NWD2: variants seen among roughly 807,000 people sequenced by gnomAD.
The protein encoded by NWD2 is NACHT and WD repeat domain-containing protein 2.
NWD2 carries 37 observed loss-of-function variants against 132.7 expected under a neutral mutation model. The ratio of observed to expected loss-of-function variants is 0.28; its 90% CI spans 0.21 to 0.37. The LOEUF is 0.37. Ranked by LOEUF, NWD2 falls within the 10% of genes least tolerant of loss-of-function variation. The pLI is 1.00. For synonymous variants in NWD2, 705 were observed against 803.0 expected (o/e 0.88, Z 2.06); for missense variants, 1,592 against 2,122.4 (o/e 0.75, Z 4.91).
At chr4:37,261,536 A>C (rs73807465) in intron 1 of NWD2, among the ~76,000 whole-genome samples, 3 of 152,132 alleles carry the variant, frequency 2.0e-5, no homozygotes, top group African/African-American at 7.2e-5. Flanking sequence ...CGCAAGAATC[A>C]TACAAGTATT....
intron 2 of NWD2, among the ~76,000 whole-genome samples, chr4:37,346,781 G>T (rs1257944875): frequency 6.6e-6 from 1 of 152,056 alleles, no homozygotes; most frequent in Non-Finnish European, 1.5e-5. Flanking sequence ...GAATGAAAGT[G>T]TTTCTTTCTG....
chr4:37,411,889 G>GATGCAA (rs1721167259), intron 3 of NWD2, among the ~76,000 whole-genome samples: 1 of 152,082 alleles, frequency 6.6e-6, no homozygotes, highest in Non-Finnish European at 1.5e-5. Context: ...AAAACCACAT[G>GATGCAA]ATTATCTCAA....
chr4:37,264,401 T>G (rs752808025), intron 1 of NWD2, among the ~76,000 whole-genome samples: 1 of 152,182 alleles, frequency 6.6e-6, no homozygotes, highest in Non-Finnish European at 1.5e-5. Flanking sequence ...TTGCTTATCT[T>G]TTTAATTTTT....
intron 1 of NWD2, among the ~76,000 whole-genome samples, chr4:37,253,437 C>CCG (rs1162264537): frequency 2.6e-5 from 4 of 152,150 alleles, no homozygotes; most frequent in Non-Finnish European, 4.4e-5. Context: ...GAGAATGAAG[C>CCG]CATGCTCCCC....
chr4:37,385,239 A>T (rs149615610), intron 3 of NWD2, among the ~76,000 whole-genome samples: 1 of 152,210 alleles, frequency 6.6e-6, no homozygotes, highest in African/African-American at 2.4e-5. Flanking sequence ...AGATATTGGG[A>T]ATTTAGGGGA....
chr4:37,245,349 C>T lies in NWD2; in HGVS notation c.151+131C>T. ...TCCTCCAGCTAAAGCCGTGGCCGCC[C>T]TGAGCGCGTGGGAATTTAATTTGAA... is the stretch of plus-strand genomic sequence containing the variant. On this transcript the variant is annotated intron_variant, in intron 1 of 6. Transcript: ENST00000309447. 5 of 1,120,890 alleles carry T rather than the reference C, an allele frequency of 4.5e-6. No individual in the cohort carries two copies. The South Asian group carries it at 5.1e-5, about 11-fold the overall frequency. The allele number at this position is 1,120,890 out of a possible 1,614,324, so 69.4% of individuals were successfully genotyped here.
chr4:37,306,823 C>A (rs183149803), intron 1 of NWD2, among the ~76,000 whole-genome samples: 44 of 152,072 alleles, frequency 2.9e-4, no homozygotes, highest in Non-Finnish European at 5.4e-4. Context: ...GAGAGTGAGA[C>A]CATCCTAGCT....
intron 3 of NWD2, among the ~76,000 whole-genome samples, chr4:37,422,580 A>G (rs1412153096): frequency 6.6e-6 from 1 of 152,096 alleles, no homozygotes; most frequent in Non-Finnish European, 1.5e-5. Context: ...TTCTGTGTAT[A>G]TATGTATTAG....
intron 3 of NWD2, among the ~76,000 whole-genome samples, chr4:37,362,271 C>T (rs1719995704): frequency 6.6e-6 from 1 of 152,190 alleles, no homozygotes. Context: ...AATGCTATTT[C>T]TATCAAACTA....
At chr4:37,354,490 T>G (rs1039023780) in intron 2 of NWD2, among the ~76,000 whole-genome samples, 5 of 152,316 alleles carry the variant, frequency 3.3e-5, no homozygotes, top group Middle Eastern at 3.4e-3. Flanking sequence ...GGTGGGAGTT[T>G]TATCTATAAG....
intron 2 of NWD2, among the ~76,000 whole-genome samples, chr4:37,332,015 C>A (rs1560397004): frequency 1.3e-5 from 2 of 152,302 alleles, no homozygotes; most frequent in South Asian, 2.1e-4. Context: ...GGAATCGCCC[C>A]TTCCAGTGAT....
At chr4:37,283,470 C>G (rs1718168658) in intron 1 of NWD2, among the ~76,000 whole-genome samples, 1 of 152,054 alleles carries the variant, frequency 6.6e-6, no homozygotes, top group African/African-American at 2.4e-5. Context: ...TTATAGGGGT[C>G]AATGTTTCAA....
chr4:37,363,056 G>A (rs1173148610), intron 3 of NWD2, among the ~76,000 whole-genome samples: 1 of 152,152 alleles, frequency 6.6e-6, no homozygotes, highest in African/African-American at 2.4e-5. Context: ...TGAAAAAAAT[G>A]CTTATCAACA....
chr4:37,403,948 A>G (rs1720945809), intron 3 of NWD2, among the ~76,000 whole-genome samples: 1 of 152,182 alleles, frequency 6.6e-6, no homozygotes, highest in Non-Finnish European at 1.5e-5. Flanking sequence ...TTTCAAAACA[A>G]TTAGCATCTT....
intron 2 of NWD2, among the ~76,000 whole-genome samples, chr4:37,327,890 T>G (rs17575890): frequency 6.6e-6 from 1 of 151,874 alleles, no homozygotes; most frequent in Non-Finnish European, 1.5e-5. Context: ...CCAGAACATA[T>G]GGTTTCCTAG....
At position 37,272,090 on chromosome 4, in the gene NWD2, G is replaced by A. The variant is rs548955680; in HGVS notation, c.151+26872G>A. 3.4e-4 allele frequency among the ~76,000 whole-genome samples: 52 copies of A among 151,840 alleles called. No homozygotes were observed. The South Asian group carries it at 0.01, about 30-fold the overall frequency. Reference sequence around the variant, plus strand: ...TTTTTTATTCCTTGATTCTGTCACTGCAGTGAAGTACATTTTTGATTTTCA... The same window carrying A: ...TTTTTTATTCCTTGATTCTGTCACTACAGTGAAGTACATTTTTGATTTTCA... On this transcript the variant is annotated intron_variant, in intron 1 of 6. Transcript: ENST00000309447.
Position 37,245,113 on chromosome 4 carries a change from T to C in NWD2, c.46T>C (p.Ser16Pro). The C allele has an allele frequency of 6.5e-7, 1 of 1,547,740 alleles. No individual in the cohort carries two copies. The change falls in exon 1 of 7, where the codon TCT becomes CCT. Residue 16 changes from serine (S) to proline (P), a missense_variant. Around this residue, in one of 7 missense-constraint regions of NWD2, gnomAD observed 88 missense variants for 92.8 expected, o/e 0.95. Coordinates refer to ENST00000309447, the MANE Select transcript of NWD2 (RefSeq NM_001144990.2). ...AGTKLPCPRD[S>P]ALRRAAFSGN... ...CACCAAGCTGCCCTGTCCCCGAGAC[T>C]CTGCGCTCCGGCGGGCGGCTTTCTC...
chr4:37,290,454 G>A (rs1004907097), intron 1 of NWD2, among the ~76,000 whole-genome samples: 4 of 152,168 alleles, frequency 2.6e-5, no homozygotes, highest in East Asian at 1.9e-4. Flanking sequence ...TAAGTGTGAC[G>A]ATATCACAGA....
chr4:37,295,969 T>C (rs1718481170), intron 1 of NWD2, among the ~76,000 whole-genome samples: 1 of 152,232 alleles, frequency 6.6e-6, no homozygotes, highest in Non-Finnish European at 1.5e-5. Flanking sequence ...CATGGTGCCT[T>C]CAGGGTTGTT....
Sources: gnomAD v4.1 joint callset for allele counts (sites outside exome capture counted in the v4.1 genomes callset) on GRCh38, gnomAD v4.1.1 for gene constraint, gnomAD v4.1.1 regional missense constraint, MANE v1.5 for transcripts, NCBI Gene and HGNC (gene_info 2026-07-23, HGNC 2026-07-21) for gene names.